The following SYTL2 variants were observed in gnomAD, a reference collection of about 807,000 sequenced individuals.
The protein encoded by SYTL2 is synaptotagmin-like protein 2.
SYTL2 carries 165 observed loss-of-function variants against 198.7 expected under a neutral mutation model. That is an observed-to-expected ratio of 0.83 (90% CI 0.73 to 0.94). SYTL2 has a LOEUF of 0.94. SYTL2 is among the 40% of genes least tolerant of loss of function. The pLI is 0.00. For synonymous variants in SYTL2, 966 were observed against 917.7 expected, an observed-to-expected ratio of 1.05 and a Z score of -0.95; for missense variants, 2,835 against 2,582.8, an observed-to-expected ratio of 1.10 and a Z score of -2.12.
At chr11:85,800,802 G>C (rs1036470625) in intron 1 of SYTL2, among the ~76,000 whole-genome samples, 1 of 152,194 alleles carries the variant, frequency 6.6e-6, no homozygotes, top group Non-Finnish European at 1.5e-5. Flanking sequence ...CTGACCGGTA[G>C]AGCCACGTCT....
chr11:85,727,366 A>G lies in SYTL2; in HGVS notation c.1992T>C (p.Pro664=). 6.5e-7 allele frequency: 1 copy of G among 1,536,254 alleles called. No homozygotes were observed. The highest frequency in any genetic ancestry group is 8.7e-7 in the Non-Finnish European group (1 of 1,146,912). The change falls in exon 8 of 20, where the codon CCT becomes CCC. Residue 664 remains proline (P), a synonymous_variant. Coordinates refer to ENST00000359152, the MANE Select transcript of SYTL2 (RefSeq NM_206927.4). The part of the protein sequence containing the change: ...KSPGKGNGAS[P]SNSNYSYSVL... The stretch of plus-strand genomic sequence containing the variant: ...CACTGTAGGAATAGTTACTATTTGA[A>G]GGAGATGCCCCATTCCCTTTTCCTG...
At chr11:85,832,745 GT>G in the SYTL2 span, among the ~76,000 whole-genome samples, 1 of 149,072 alleles carries the variant, frequency 6.7e-6, no homozygotes, top group Admixed American at 6.7e-5. Context: ...AATCTCAGCA[GT>G]TTGGGAGGAT....
At chr11:85,847,176 T>C in the SYTL2 span, among the ~76,000 whole-genome samples, 1 of 152,184 alleles carries the variant, frequency 6.6e-6, no homozygotes, top group African/African-American at 2.4e-5. Context: ...ACAGAGCATT[T>C]CCTTTATTCC....
intron 1 of SYTL2, among the ~76,000 whole-genome samples, chr11:85,759,654 C>T (rs1412114619): frequency 1.3e-5 from 2 of 152,132 alleles, no homozygotes; most frequent in African/African-American, 2.4e-5. Context: ...TTCTGATCTC[C>T]CCCCATGAAG....
At chr11:85,773,752 A>G (rs2092402446) in intron 1 of SYTL2, among the ~76,000 whole-genome samples, 1 of 152,226 alleles carries the variant, frequency 6.6e-6, no homozygotes, top group Non-Finnish European at 1.5e-5. Context: ...TTTTCAATAA[A>G]TGTTTTCTCT....
At chr11:85,735,217 G>A (rs965164329) in intron 6 of SYTL2, among the ~76,000 whole-genome samples, 4 of 152,060 alleles carry the variant, frequency 2.6e-5, no homozygotes, top group Non-Finnish European at 5.9e-5. Flanking sequence ...AAAAAATAAC[G>A]TCTATTCGAA....
At chr11:85,704,729 T>C (rs2084854603) in intron 16 of SYTL2, 129 bp downstream of exon 16, 1 of 657,470 alleles carries the variant, frequency 1.5e-6, no homozygotes, top group Admixed American at 2.8e-5. Context: ...CCTTTCTTTT[T>C]TTTCCTCTAG....
intron 1 of SYTL2, among the ~76,000 whole-genome samples, chr11:85,771,420 C>G (rs1443180707): frequency 6.6e-6 from 1 of 152,234 alleles, no homozygotes; most frequent in East Asian, 1.9e-4. Context: ...ATCAGTATTT[C>G]TTTCATTAGC....
chr11:85,714,024 T>C (rs1308906858), intron 12 of SYTL2, among the ~76,000 whole-genome samples: 1 of 152,256 alleles, frequency 6.6e-6, no homozygotes, highest in East Asian at 1.9e-4. Context: ...TGATGTGTCA[T>C]TGTTACTTTA....
At chr11:85,782,243 A>C (rs1217469026) in intron 1 of SYTL2, among the ~76,000 whole-genome samples, 3 of 152,228 alleles carry the variant, frequency 2.0e-5, no homozygotes, top group Non-Finnish European at 4.4e-5. Context: ...ACAACCTCTG[A>C]AGTAACAACT....
chr11:85,737,024 C>T (rs917761946), intron 5 of SYTL2, among the ~76,000 whole-genome samples: 1 of 152,310 alleles, frequency 6.6e-6, no homozygotes. Context: ...GTACAAAATA[C>T]AACTGTAATT....
intron 4 of SYTL2, among the ~76,000 whole-genome samples, chr11:85,740,183 C>G (rs1008308551): frequency 6.6e-6 from 1 of 152,158 alleles, no homozygotes; most frequent in African/African-American, 2.4e-5. Context: ...ACCATCTGCC[C>G]CAATATACTT....
chr11:85,817,508 GTTTAT>G, the SYTL2 span, among the ~76,000 whole-genome samples: 1 of 152,150 alleles, frequency 6.6e-6, no homozygotes, highest in African/African-American at 2.4e-5. Flanking sequence ...AATTTCATCT[GTTTAT>G]TTTTACTTTT....
intron 2 of SYTL2, among the ~76,000 whole-genome samples, chr11:85,749,687 C>T (rs1321355685): frequency 1.3e-5 from 2 of 152,164 alleles, no homozygotes; most frequent in East Asian, 1.9e-4. Flanking sequence ...CAGTCAGCAA[C>T]GATATCATGG....
chr11:85,749,944 G>A (rs2091412549), intron 2 of SYTL2, among the ~76,000 whole-genome samples: 1 of 152,144 alleles, frequency 6.6e-6, no homozygotes, highest in Admixed American at 6.5e-5. Flanking sequence ...TTGCAGAGTG[G>A]AGGAATATCA....
At chr11:85,755,118 C>A (rs1444469274) in intron 2 of SYTL2, among the ~76,000 whole-genome samples, 2 of 152,132 alleles carry the variant, frequency 1.3e-5, no homozygotes, top group Non-Finnish European at 2.9e-5. Context: ...AAACAAAAGC[C>A]CATGGAGTAA....
At chr11:85,765,874 AC>A (rs1244355707) in intron 1 of SYTL2, among the ~76,000 whole-genome samples, 1 of 152,052 alleles carries the variant, frequency 6.6e-6, no homozygotes, top group Non-Finnish European at 1.5e-5. Flanking sequence ...AACTTACAAT[AC>A]CCCTAGGAAT....
chr11:85,736,666 C>T (rs1441403071), intron 5 of SYTL2, 51 bp from the exon 6 acceptor site: 9 of 993,546 alleles, frequency 9.1e-6, no homozygotes, highest in Non-Finnish European at 1.4e-5. Context: ...ATGACAGCAA[C>T]TCAGTGTTGG....
the SYTL2 span, chr11:85,853,369 C>T: frequency 3.4e-5 from 15 of 441,252 alleles, no homozygotes; most frequent in Admixed American, 3.4e-4. Context: ...GCCCCCAACC[C>T]GGTGCTCTCT....
Sources: allele counts gnomAD v4.1 joint callset (sites outside exome capture counted in the v4.1 genomes callset), GRCh38; gene constraint gnomAD v4.1.1; transcripts MANE v1.5; gene names NCBI Gene and HGNC (gene_info 2026-07-23, HGNC 2026-07-21).